Variants in TMEM71 observed in about 807,000 individuals in gnomAD.
TMEM71 encodes transmembrane protein 71.
TMEM71 carries 44 observed loss-of-function variants against 38.0 expected under a neutral mutation model. That is an observed-to-expected ratio of 1.16 (90% confidence interval 0.91 to 1.49). The LOEUF is 1.49. Among genes scored for constraint, TMEM71 ranks in the 40% most tolerant of loss-of-function variants. The pLI is 0.00. For missense variants in TMEM71, 367 were observed against 348.6 expected (o/e 1.05, Z -0.42); for synonymous variants, 133 against 122.5 (o/e 1.09, Z -0.56).
At chr8:132,747,877 T>C (rs1316671489) in intron 4 of TMEM71, among the ~76,000 whole-genome samples, 9 of 152,178 alleles carry the variant, frequency 5.9e-5, no homozygotes, top group Non-Finnish European at 1.2e-4. Flanking sequence ...GTTGGAACAA[T>C]GGGAGACCTC....
intron 5 of TMEM71, 80 bp downstream of exon 5, chr8:132,746,862 G>T: frequency 8.4e-7 from 1 of 1,183,810 alleles, no homozygotes; most frequent in Non-Finnish European, 1.2e-6. Flanking sequence ...CCCTGGAACT[G>T]ACATTGGTTG....
At chr8:132,763,376 G>C (rs554904837), upstream of TMEM71, among the ~76,000 whole-genome samples, 1 of 152,310 alleles carries the variant, frequency 6.6e-6, no homozygotes, top group South Asian at 2.1e-4. Flanking sequence ...ATCAATTAAT[G>C]TTTGTGGAAT....
chr8:132,731,896 A>T (rs1193916927), intron 5 of TMEM71, among the ~76,000 whole-genome samples: 1 of 152,130 alleles, frequency 6.6e-6, no homozygotes, highest in Non-Finnish European at 1.5e-5. Flanking sequence ...AAGATACGAA[A>T]CCAGCTGGGA....
At chr8:132,718,895 T>G (rs1220565003) in intron 7 of TMEM71, among the ~76,000 whole-genome samples, 1 of 152,180 alleles carries the variant, frequency 6.6e-6, no homozygotes, top group Non-Finnish European at 1.5e-5. Context: ...AAAATGTGAA[T>G]CATTTGAAAG....
intron 4 of TMEM71, among the ~76,000 whole-genome samples, chr8:132,750,671 A>G (rs1320855212): frequency 6.6e-6 from 1 of 152,192 alleles, no homozygotes; most frequent in Non-Finnish European, 1.5e-5. Flanking sequence ...TAGCTGACTG[A>G]TACAGTCAGC....
At chr8:132,716,519 T>G (rs1826544226) in intron 7 of TMEM71, among the ~76,000 whole-genome samples, 1 of 152,240 alleles carries the variant, frequency 6.6e-6, no homozygotes, top group African/African-American at 2.4e-5. Flanking sequence ...CCTCTTTTTA[T>G]CCTGTAATAA....
intron 6 of TMEM71, 94 bp from the exon 7 acceptor site, chr8:132,722,209 C>CAAAA (rs34385955): frequency 5.8e-3 from 3,624 of 625,316 alleles, no homozygotes; most frequent in East Asian, 0.024. Context: ...TTGTACCCAC[C>CAAAA]AAAAAAAAAA....
chr8:132,716,648 T>C (rs996230609), intron 7 of TMEM71, among the ~76,000 whole-genome samples: 6 of 152,220 alleles, frequency 3.9e-5, no homozygotes, highest in Non-Finnish European at 5.9e-5. Flanking sequence ...GGCTTTAGTA[T>C]TCAAGGATTT....
At chr8:132,735,663 G>C (rs968986420) in intron 5 of TMEM71, among the ~76,000 whole-genome samples, 2 of 152,240 alleles carry the variant, frequency 1.3e-5, no homozygotes, top group African/African-American at 2.4e-5. Flanking sequence ...GCATTGCTGT[G>C]GTCCAATCCC....
intron 5 of TMEM71, among the ~76,000 whole-genome samples, chr8:132,737,420 C>T (rs1254026445): frequency 1.4e-4 from 22 of 152,218 alleles, no homozygotes; most frequent in Admixed American, 1.4e-3. Flanking sequence ...ACCTCCTTAT[C>T]AAGCTGTGCT....
chr8:132,769,823 G>A, the TMEM71 span, among the ~76,000 whole-genome samples: 22 of 152,284 alleles, frequency 1.4e-4, no homozygotes, highest in South Asian at 4.6e-3. Context: ...TTAAATAGCA[G>A]CACAAACTAA....
At chr8:132,750,619 T>G (rs1828654603) in intron 4 of TMEM71, among the ~76,000 whole-genome samples, 1 of 152,206 alleles carries the variant, frequency 6.6e-6, no homozygotes, top group Non-Finnish European at 1.5e-5. Flanking sequence ...TTTATATCAT[T>G]AAGATTTGAT....
chr8:132,766,512 G>C, the TMEM71 span, among the ~76,000 whole-genome samples: 1 of 152,004 alleles, frequency 6.6e-6, no homozygotes, highest in Non-Finnish European at 1.5e-5. Flanking sequence ...AAAAAATGCT[G>C]TATTCAGCTA....
intron 4 of TMEM71, among the ~76,000 whole-genome samples, chr8:132,748,206 A>T (rs1828500284): frequency 6.6e-6 from 1 of 152,264 alleles, no homozygotes; most frequent in African/African-American, 2.4e-5. Context: ...AGCTGCTATC[A>T]GAAGATGCAT....
intron 4 of TMEM71, among the ~76,000 whole-genome samples, chr8:132,748,611 G>A (rs1339940642): frequency 6.6e-6 from 1 of 152,178 alleles, no homozygotes; most frequent in Non-Finnish European, 1.5e-5. Context: ...AAAGATTCTT[G>A]TAGGCTCTAA....
intron 6 of TMEM71, 82 bp downstream of exon 6, chr8:132,727,716 T>A: frequency 7.7e-7 from 1 of 1,301,118 alleles, no homozygotes; most frequent in Non-Finnish European, 1.1e-6. Context: ...CTAACTGCAT[T>A]TTAGTCATCT....
chr8:132,774,826 G>A, the TMEM71 span, among the ~76,000 whole-genome samples: 11 of 152,318 alleles, frequency 7.2e-5, no homozygotes, highest in East Asian at 1.9e-4. Flanking sequence ...CTGAGCACGC[G>A]CGTACACACA....
intron 6 of TMEM71, among the ~76,000 whole-genome samples, chr8:132,724,605 C>G (rs1453387497): frequency 1.3e-5 from 2 of 152,160 alleles, no homozygotes; most frequent in Non-Finnish European, 2.9e-5. Flanking sequence ...TGTTCAAACA[C>G]ACATGTTTTA....
chr8:132,730,648 T>C (rs1373765946), intron 5 of TMEM71, among the ~76,000 whole-genome samples: 1 of 152,208 alleles, frequency 6.6e-6, no homozygotes, highest in Non-Finnish European at 1.5e-5. Context: ...TTTGTGTTTT[T>C]TGTTTTTTTG....
Sources: gnomAD v4.1 joint callset for allele counts (sites outside exome capture counted in the v4.1 genomes callset) on GRCh38, gnomAD v4.1.1 for gene constraint, MANE v1.5 for transcripts, NCBI Gene and HGNC (gene_info 2026-07-23, HGNC 2026-07-21) for gene names.